Variants in CPEB1 observed in about 807,000 individuals in gnomAD.
CPEB1 encodes the protein cytoplasmic polyadenylation element-binding protein 1.
A neutral mutation model predicts 65.8 loss-of-function variants in CPEB1; 7 were observed. The ratio of observed to expected loss-of-function variants is 0.11; its 90% confidence interval spans 0.06 to 0.20. The LOEUF (loss-of-function observed/expected upper bound fraction) is 0.20, where lower values mean the gene tolerates loss of function less well. CPEB1 is among the 10% of genes least tolerant of loss of function. CPEB1 has a pLI of 1.00. For synonymous variants in CPEB1, 262 were observed against 260.0 expected (o/e 1.01, Z -0.08); for missense variants, 551 against 712.2 (o/e 0.77, Z 2.58).
At chr15:82,565,242 TTC>T (rs1460002522) in intron 4 of CPEB1, among the ~76,000 whole-genome samples, 1 of 152,118 alleles carries the variant, frequency 6.6e-6, no homozygotes, top group African/African-American at 2.4e-5. Flanking sequence ...GGCCAGGCAG[TTC>T]TCTGAGTGTC....
At chr15:82,590,817 TCCA>T (rs1268523263) in intron 3 of CPEB1, among the ~76,000 whole-genome samples, 2 of 152,186 alleles carry the variant, frequency 1.3e-5, no homozygotes, top group Non-Finnish European at 2.9e-5. Context: ...GGCCTCCAGC[TCCA>T]CCCATGTTCC....
intron 3 of CPEB1, among the ~76,000 whole-genome samples, chr15:82,620,697 G>A (rs2045226691): frequency 6.6e-6 from 1 of 152,168 alleles, no homozygotes; most frequent in Admixed American, 6.5e-5. Flanking sequence ...CATCTACTCA[G>A]AAGGCTGAGG....
intron 3 of CPEB1, among the ~76,000 whole-genome samples, chr15:82,605,031 T>C (rs1229029188): frequency 6.6e-6 from 1 of 152,186 alleles, no homozygotes; most frequent in Non-Finnish European, 1.5e-5. Context: ...CAAGGGATTT[T>C]CAATAACATT....
Position 82,549,788 on chromosome 15 carries a change from T to C in CPEB1, c.1282-130A>G, listed in dbSNP as rs768423006. 169 of 838,496 alleles carry C rather than the reference T, an allele frequency of 2.0e-4. 1 individual carries two copies. Among genetic ancestry groups the C allele is most frequent in the Non-Finnish European group, 2.5e-4 (132 of 532,342 alleles). 51.9% of individuals were successfully genotyped at this position (838,496 alleles called of 1,614,324 possible). A position where few individuals can be genotyped will look rare whatever the true frequency, so the allele number is the denominator to read the frequency against. On this transcript the variant is annotated intron_variant, in intron 9 of 12. Coordinates refer to ENST00000684509, the MANE Select transcript of CPEB1 (RefSeq NM_001365242.1). ...CCCTTACAGGGGTGAAAAGGTGCTGTTGCCCAATCTCAGGCACACAGGCGT... is the reference window on the plus strand; with the variant it reads ...CCCTTACAGGGGTGAAAAGGTGCTGCTGCCCAATCTCAGGCACACAGGCGT...
intron 3 of CPEB1, among the ~76,000 whole-genome samples, chr15:82,590,047 T>C (rs867455059): frequency 6.6e-6 from 1 of 152,106 alleles, no homozygotes; most frequent in African/African-American, 2.4e-5. Flanking sequence ...GGGACAACTT[T>C]TGCTTCTACT....
chr15:82,599,021 T>C (rs1403893760), intron 3 of CPEB1, among the ~76,000 whole-genome samples: 2 of 152,130 alleles, frequency 1.3e-5, no homozygotes, highest in Non-Finnish European at 2.9e-5. Context: ...GAACAAAGTT[T>C]TAAAATAAAT....
intron 3 of CPEB1, among the ~76,000 whole-genome samples, chr15:82,608,345 A>T (rs995665360): frequency 2.0e-5 from 3 of 152,162 alleles, no homozygotes; most frequent in African/African-American, 7.2e-5. Context: ...AGGTAGGTCA[A>T]ATACAACCAC....
At chr15:82,547,260 C>T in intron 10 of CPEB1, 23 bp from the exon 11 acceptor site, 2 of 1,341,562 alleles carry the variant, frequency 1.5e-6, no homozygotes, top group South Asian at 1.3e-5. Context: ...ACACAAGCTT[C>T]CCTTCTAACC....
chr15:82,567,204 T>C (rs2151026684), intron 4 of CPEB1, among the ~76,000 whole-genome samples: 1 of 152,000 alleles, frequency 6.6e-6, no homozygotes, highest in African/African-American at 2.4e-5. Context: ...CTCAGAATGG[T>C]TGTTTGGAAG....
intron 3 of CPEB1, chr15:82,571,998 T>C (rs1257703876): frequency 6.5e-6 from 2 of 309,198 alleles, no homozygotes; most frequent in African/African-American, 2.3e-5. Flanking sequence ...TCTCCAGCAA[T>C]GGTGGCCAAG....
At position 82,627,293 on chromosome 15, in the gene CPEB1, G is replaced by A; in HGVS notation, c.171C>T (p.Ala57=). 1 of 1,613,638 alleles carries A rather than the reference G, an allele frequency of 6.2e-7. No homozygotes were observed. The highest frequency in any genetic ancestry group is 8.5e-7 in the Non-Finnish European group (1 of 1,179,650). The change falls in exon 3 of 13, where the codon GCC becomes GCT. Residue 57 remains alanine (A), a synonymous_variant. Coordinates refer to ENST00000684509, the MANE Select transcript of CPEB1 (RefSeq NM_001365242.1). ...EAPALSTCSN[A]NIFRRINAIL... The stretch of plus-strand genomic sequence containing the variant: ...TGGCATTTATCCTTCGAAAGATATT[G>A]GCATTACTACACGTGGAGAGAGCAG...
At chr15:82,546,173 G>C (rs1276112948) in intron 12 of CPEB1, among the ~76,000 whole-genome samples, 1 of 152,008 alleles carries the variant, frequency 6.6e-6, no homozygotes, top group Non-Finnish European at 1.5e-5. Flanking sequence ...GCAGTGGCGT[G>C]ATCTCGACTC....
At position 82,584,903 on chromosome 15, in the gene CPEB1, CTT is replaced by C. The variant is rs3080692; in HGVS notation, c.272-13373_272-13372del. Among the ~76,000 whole-genome samples, 119 of 81,730 alleles carry C rather than the reference CTT, an allele frequency of 1.5e-3. 2 individuals are homozygous for C. The highest frequency in any genetic ancestry group is 3.4e-3 in the African/African-American group (57 of 16,868). 53.6% of individuals were successfully genotyped at this position (81,730 alleles called of 152,430 possible). On this transcript the variant is annotated intron_variant, in intron 3 of 12. Transcript: ENST00000684509. ...GACATAATTTTTTTTTCCTAATTTGCTTTTTTTTTTTTTTTTTTTACAGTGAA... is the reference window on the plus strand; with the variant it reads ...GACATAATTTTTTTTTCCTAATTTGCTTTTTTTTTTTTTTTTTACAGTGAA...
intron 3 of CPEB1, among the ~76,000 whole-genome samples, chr15:82,580,966 C>T (rs997794431): frequency 2.0e-5 from 3 of 152,008 alleles, no homozygotes; most frequent in African/African-American, 4.8e-5. Context: ...GTCCTCCCAC[C>T]TCAGCCTCTA....
At chr15:82,617,378 G>A (rs1039634987) in intron 3 of CPEB1, among the ~76,000 whole-genome samples, 7 of 152,058 alleles carry the variant, frequency 4.6e-5, no homozygotes, top group Non-Finnish European at 5.9e-5. Flanking sequence ...GTTTGTATAC[G>A]GTAAATGGTT....
chr15:82,552,929 A>G (rs1051119493), intron 8 of CPEB1, among the ~76,000 whole-genome samples: 1 of 152,242 alleles, frequency 6.6e-6, no homozygotes, highest in Non-Finnish European at 1.5e-5. Flanking sequence ...TGGTGGCAGG[A>G]AAGATGGCAG....
chr15:82,617,724 GTTTTTTTTTT>G (rs35267620), intron 3 of CPEB1, among the ~76,000 whole-genome samples: 42 of 83,858 alleles, frequency 5.0e-4, no homozygotes, highest in South Asian at 1.5e-3. Flanking sequence ...TTCTATTAAA[GTTTTTTTTTT>G]TTTTTTTTTT....
At chr15:82,611,567 G>A (rs886098985) in intron 3 of CPEB1, among the ~76,000 whole-genome samples, 1 of 151,544 alleles carries the variant, frequency 6.6e-6, no homozygotes, top group South Asian at 2.1e-4. Context: ...GACCAGCCTG[G>A]CCAACATAGC....
chr15:82,579,709 G>A (rs890964192), intron 3 of CPEB1, among the ~76,000 whole-genome samples: 6 of 150,588 alleles, frequency 4.0e-5, no homozygotes, highest in East Asian at 4.0e-4. Context: ...TCAGGAGATC[G>A]AGACCATCCT....
Sources: allele counts gnomAD v4.1 joint callset (sites outside exome capture counted in the v4.1 genomes callset), GRCh38; gene constraint gnomAD v4.1.1; transcripts MANE v1.5; gene names NCBI Gene and HGNC (gene_info 2026-07-23, HGNC 2026-07-21).